ZNF469: variants seen among roughly 807,000 people sequenced by gnomAD.
The protein encoded by ZNF469 is zinc finger protein 469.
In ZNF469, 1 loss-of-function variant was observed where a neutral mutation model predicts 1.0. The ratio of observed to expected loss-of-function variants is 1.00; its 90% CI spans 0.35 to 4.73. The LOEUF is 4.73. Among genes scored for constraint, ZNF469 ranks in the 30% most tolerant of loss-of-function variants. ZNF469 has a pLI of 0.16. For synonymous variants in ZNF469, 2,703 were observed against 2,363.4 expected, an observed-to-expected ratio of 1.14 and a Z score of -4.17; for missense variants, 6,100 against 5,356.3, an observed-to-expected ratio of 1.14 and a Z score of -4.33.
the ZNF469 span, among the ~76,000 whole-genome samples, chr16:88,276,108 G>A: frequency 3.3e-5 from 5 of 152,266 alleles, no homozygotes; most frequent in South Asian, 4.1e-4. Flanking sequence ...ACAGTGCAAC[G>A]ACCAAACAGA....
At chr16:88,305,561 C>A in the ZNF469 span, among the ~76,000 whole-genome samples, 2 of 150,356 alleles carry the variant, frequency 1.3e-5, no homozygotes, top group African/African-American at 2.5e-5. Context: ...CACACCCTCA[C>A]ACGTGCACAC....
chr16:88,312,887 C>T, the ZNF469 span, among the ~76,000 whole-genome samples: 4 of 152,234 alleles, frequency 2.6e-5, no homozygotes, highest in Non-Finnish European at 4.4e-5. Context: ...TCCACGCCTC[C>T]ATGCCCTCAC....
At chr16:88,209,065 T>C in the ZNF469 span, among the ~76,000 whole-genome samples, 1 of 152,162 alleles carries the variant, frequency 6.6e-6, no homozygotes, top group African/African-American at 2.4e-5. Flanking sequence ...CAAGCTTCTT[T>C]TGTTTCTATC....
At chr16:88,235,872 A>G in the ZNF469 span, among the ~76,000 whole-genome samples, 7 of 152,226 alleles carry the variant, frequency 4.6e-5, no homozygotes, top group Admixed American at 3.9e-4. Context: ...CAGGAGGTTC[A>G]GGCAGAGTCA....
chr16:88,121,184 G>GA, the ZNF469 span, among the ~76,000 whole-genome samples: 3 of 127,572 alleles, frequency 2.4e-5, no homozygotes, highest in East Asian at 2.4e-4. Context: ...GGGGTTGGGG[G>GA]GGTGTTGCAC....
At chr16:88,293,968 A>C in the ZNF469 span, among the ~76,000 whole-genome samples, 1 of 152,144 alleles carries the variant, frequency 6.6e-6, no homozygotes, top group African/African-American at 2.4e-5. Context: ...GACGGCCTTT[A>C]CTCTGAACCA....
the ZNF469 span, among the ~76,000 whole-genome samples, chr16:88,334,392 C>T: frequency 5.6e-4 from 85 of 152,284 alleles, no homozygotes; most frequent in African/African-American, 1.9e-3. Context: ...GAATGTTTGC[C>T]TTACGCTGAC....
chr16:88,360,691 C>T, the ZNF469 span, among the ~76,000 whole-genome samples: 20 of 144,252 alleles, frequency 1.4e-4, no homozygotes, highest in East Asian at 1.5e-3. Context: ...ACAGCGCCCG[C>T]GTGCTCCCTC....
the ZNF469 span, among the ~76,000 whole-genome samples, chr16:88,299,262 G>A: frequency 6.6e-6 from 1 of 151,564 alleles, no homozygotes; most frequent in South Asian, 2.1e-4. Flanking sequence ...AGGCTTCCTG[G>A]AGGAGGCAGC....
the ZNF469 span, among the ~76,000 whole-genome samples, chr16:88,376,270 G>A: frequency 1.3e-5 from 2 of 152,368 alleles, no homozygotes. Context: ...ATGTAAATGC[G>A]TAGTTGTCCC....
At chr16:88,137,938 T>C in the ZNF469 span, among the ~76,000 whole-genome samples, 12 of 152,158 alleles carry the variant, frequency 7.9e-5, no homozygotes, top group African/African-American at 2.9e-4. Flanking sequence ...CTAGGGGTGC[T>C]GTCTTGCCCA....
the ZNF469 span, among the ~76,000 whole-genome samples, chr16:88,271,369 A>C: frequency 7.5e-6 from 1 of 132,696 alleles, no homozygotes; most frequent in Middle Eastern, 4.0e-3. Flanking sequence ...TTCGCAGACC[A>C]TGAGGGTGAT....
the ZNF469 span, among the ~76,000 whole-genome samples, chr16:88,132,120 G>A: frequency 6.6e-6 from 1 of 152,212 alleles, no homozygotes; most frequent in Non-Finnish European, 1.5e-5. Context: ...GGACATCGCT[G>A]TCTGTGGCCC....
chr16:88,256,203 C>T, the ZNF469 span, among the ~76,000 whole-genome samples: 1 of 152,186 alleles, frequency 6.6e-6, no homozygotes, highest in Non-Finnish European at 1.5e-5. Flanking sequence ...TCTGTCCTGC[C>T]TGTTCATCTC....
At chr16:88,243,945 TATATATAA>T in the ZNF469 span, among the ~76,000 whole-genome samples, 1 of 122,868 alleles carries the variant, frequency 8.1e-6, no homozygotes, top group African/African-American at 3.0e-5. Context: ...TATATATATA[TATATATAA>T]ATGTATGTGT....
At chr16:88,310,473 A>C in the ZNF469 span, among the ~76,000 whole-genome samples, 1 of 151,980 alleles carries the variant, frequency 6.6e-6, no homozygotes, top group Non-Finnish European at 1.5e-5. Context: ...AACCATTTGC[A>C]CACAAAAGTG....
At chr16:88,134,901 T>C in the ZNF469 span, among the ~76,000 whole-genome samples, 5 of 152,390 alleles carry the variant, frequency 3.3e-5, no homozygotes, top group Admixed American at 2.0e-4. Context: ...GGATATTTAC[T>C]CCTTGCCATA....
chr16:88,227,812 G>T, the ZNF469 span, among the ~76,000 whole-genome samples: 85 of 152,332 alleles, frequency 5.6e-4, 1 homozygote, highest in South Asian at 0.017. Context: ...GCAGAGGGCT[G>T]GCATCAAGGA....
At chr16:88,321,530 C>T in the ZNF469 span, among the ~76,000 whole-genome samples, 4 of 152,190 alleles carry the variant, frequency 2.6e-5, no homozygotes, top group African/African-American at 7.2e-5. Context: ...ATGCAGCCCT[C>T]GAATTCTGCA....
Sources: allele counts gnomAD v4.1 joint callset (sites outside exome capture counted in the v4.1 genomes callset), GRCh38; gene constraint gnomAD v4.1.1; transcripts MANE v1.5; gene names NCBI Gene and HGNC (gene_info 2026-07-23, HGNC 2026-07-21).